RAPGEF2: variants seen among roughly 807,000 people sequenced by gnomAD.
The protein encoded by RAPGEF2 is Rap guanine nucleotide exchange factor 2, also known as PDZ domain containing guanine nucleotide exchange factor (GEF) 1.
In RAPGEF2, 54 loss-of-function variants were observed where a neutral mutation model predicts 186.7. The observed-to-expected ratio is 0.29, with a 90% CI of 0.23 to 0.36. RAPGEF2 has a LOEUF of 0.36. RAPGEF2 is among the 10% of genes least tolerant of loss of function. The probability of loss-of-function intolerance (pLI) is 1.00; values close to 1 mark genes in which losing one functional copy is unlikely to be tolerated. For synonymous variants in RAPGEF2, 712 were observed against 705.9 expected, an observed-to-expected ratio of 1.01 and a Z score of -0.14; for missense variants, 1,532 against 2,045.0, an observed-to-expected ratio of 0.75 and a Z score of 4.84.
intron 1 of RAPGEF2, among the ~76,000 whole-genome samples, chr4:159,168,544 G>C (rs527490011): frequency 6.6e-6 from 1 of 151,806 alleles, no homozygotes; most frequent in South Asian, 2.1e-4. Flanking sequence ...TGCCAAGTTG[G>C]GTTTCATCCC....
In RAPGEF2 at chr4:159,306,288, T is replaced by A. The variant is rs540122197; in HGVS notation, c.675+1815T>A. ...ATGGGATGTTTTCTCATTGTTTGTG[T>A]CATCTACAATTTCTTTCATCAGTGT... On this transcript the variant is annotated intron_variant, in intron 8 of 29. Transcript: ENST00000691494. 2.0e-5 allele frequency among the ~76,000 whole-genome samples: 3 copies of A among 152,288 alleles called. No individual in the cohort carries two copies. The South Asian group carries it at 6.2e-4, about 32-fold the overall frequency.
chr4:159,353,243 A>AT lies in RAPGEF2; in HGVS notation c.4092-231dup, dbSNP rs11381317. On this transcript the variant is annotated intron_variant, in intron 27 of 29. Coordinates refer to ENST00000691494, the MANE Select transcript of RAPGEF2 (RefSeq NM_001394067.2). The surrounding 1 kb of genome is among the most constrained non-coding windows in gnomAD (Gnocchi z 4.3). ...GAGCCACCCTTAATGTTGTCGGGGA[A>AT]TTTTTTTTTTTTTAATGGCACGTTG... is the stretch of plus-strand genomic sequence containing the variant. Among the ~76,000 whole-genome samples the AT allele has an allele frequency of 0.61, 90,493 of 147,214 alleles. 28,657 individuals carry two copies. The highest frequency in any genetic ancestry group is 0.76 in the African/African-American group (30,609 of 40,020).
chr4:159,315,937 CAG>C (rs1340866542), intron 9 of RAPGEF2, among the ~76,000 whole-genome samples: 1 of 152,168 alleles, frequency 6.6e-6, no homozygotes, highest in African/African-American at 2.4e-5. Flanking sequence ...TGACTAATGT[CAG>C]GCCCTCCACA....
Position 159,332,473 on chromosome 4 carries a change from A to G in RAPGEF2, c.1911A>G (p.Arg637=). 1 of 1,612,670 alleles carries G rather than the reference A, an allele frequency of 6.2e-7. No homozygotes were observed. The highest frequency in any genetic ancestry group is 1.1e-5 in the South Asian group (1 of 90,794). The change falls in exon 17 of 30, where the codon AGA becomes AGG. Residue 637 remains arginine (R), a synonymous_variant. Transcript: ENST00000691494. ...TAGTATTTAAAGAACTTCTAACAAG[A>G]TTGTCAGAAGAGAAAAGAAATGGTG... ...NLFVFKELLT[R]LSEEKRNGAP...
intron 1 of RAPGEF2, among the ~76,000 whole-genome samples, chr4:159,161,305 G>A (rs1206850517): frequency 2.0e-5 from 3 of 152,170 alleles, no homozygotes; most frequent in Non-Finnish European, 4.4e-5. Context: ...TGTGTTTGGA[G>A]GTAGTTTCTT....
intron 7 of RAPGEF2, among the ~76,000 whole-genome samples, chr4:159,245,413 T>G (rs1295856773): frequency 2.0e-5 from 3 of 152,020 alleles, no homozygotes; most frequent in African/African-American, 7.2e-5. Context: ...ATTTTCAGTC[T>G]TAGAGTGAGT....
intron 1 of RAPGEF2, among the ~76,000 whole-genome samples, chr4:159,162,233 A>G (rs1423240568): frequency 1.3e-5 from 2 of 150,818 alleles, no homozygotes; most frequent in Non-Finnish European, 3.0e-5. Context: ...AAAAAAAAAA[A>G]AAAAAAAATA....
intron 7 of RAPGEF2, among the ~76,000 whole-genome samples, chr4:159,281,106 C>T (rs1001985100): frequency 2.0e-5 from 3 of 151,914 alleles, no homozygotes; most frequent in African/African-American, 7.3e-5. Context: ...ATTCTCCTGC[C>T]TCAGTCTCCC....
At chr4:159,196,206 T>C (rs771802237) in intron 3 of RAPGEF2, among the ~76,000 whole-genome samples, 2 of 152,358 alleles carry the variant, frequency 1.3e-5, no homozygotes, top group Admixed American at 6.5e-5. Flanking sequence ...TTTTCTTCCA[T>C]GATCCTTAGA....
chr4:159,311,699 T>A (rs1763970198), intron 8 of RAPGEF2, among the ~76,000 whole-genome samples: 1 of 152,192 alleles, frequency 6.6e-6, no homozygotes. Context: ...ACATTCTAGG[T>A]ACTCTTCTTA....
chr4:159,189,718 A>G (rs1747919955), intron 2 of RAPGEF2, among the ~76,000 whole-genome samples: 1 of 152,236 alleles, frequency 6.6e-6, no homozygotes, highest in Non-Finnish European at 1.5e-5. Context: ...ATTGTCTAAC[A>G]ATGTTTAAAG....
chr4:159,354,085 C>G, intron 28 of RAPGEF2, 39 bp downstream of exon 28: 2 of 1,495,064 alleles, frequency 1.3e-6, no homozygotes, highest in Non-Finnish European at 9.0e-7. Flanking sequence ...ATGTCTGGAT[C>G]ATGTCTTTAA....
chr4:159,274,453 A>G (rs1336636422), intron 7 of RAPGEF2, among the ~76,000 whole-genome samples: 1 of 152,226 alleles, frequency 6.6e-6, no homozygotes, highest in Non-Finnish European at 1.5e-5. Flanking sequence ...GTCTAAATAT[A>G]TCTACATAGA....
chr4:159,189,630 A>G (rs547398939), intron 2 of RAPGEF2, among the ~76,000 whole-genome samples: 1 of 152,334 alleles, frequency 6.6e-6, no homozygotes, highest in Admixed American at 6.5e-5. Context: ...AGGCGCCTTT[A>G]GATCTTTGAG....
chr4:159,352,242 G>A (rs910346776), intron 26 of RAPGEF2, among the ~76,000 whole-genome samples: 5 of 152,142 alleles, frequency 3.3e-5, no homozygotes, highest in Admixed American at 3.3e-4. Flanking sequence ...GTAGGATACA[G>A]GTATTTCCAG....
At chr4:159,177,510 A>C (rs946208487) in intron 1 of RAPGEF2, among the ~76,000 whole-genome samples, 4 of 152,236 alleles carry the variant, frequency 2.6e-5, no homozygotes, top group Non-Finnish European at 5.9e-5. Flanking sequence ...AGGGTCACAC[A>C]GCTAGGGAGT....
chr4:159,351,543 A>G (rs1487382072), intron 26 of RAPGEF2, among the ~76,000 whole-genome samples: 3 of 152,334 alleles, frequency 2.0e-5, no homozygotes, highest in Middle Eastern at 3.4e-3. Context: ...AGAAATTTGC[A>G]TTGCATATAA....
chr4:159,188,165 A>G (rs760917905), intron 2 of RAPGEF2, among the ~76,000 whole-genome samples: 1 of 152,198 alleles, frequency 6.6e-6, no homozygotes, highest in Non-Finnish European at 1.5e-5. Flanking sequence ...TGTACTAACA[A>G]TTATTTAATT....
intron 1 of RAPGEF2, among the ~76,000 whole-genome samples, chr4:159,141,344 G>C (rs1458943529): frequency 2.6e-5 from 4 of 152,114 alleles, no homozygotes; most frequent in African/African-American, 9.7e-5. Flanking sequence ...ATTTCCACGA[G>C]ATGATTCAAA....
Sources: gnomAD v4.1 joint callset for allele counts (sites outside exome capture counted in the v4.1 genomes callset) on GRCh38, gnomAD v4.1.1 for gene constraint, Gnocchi (gnomAD v3.1) non-coding constraint, MANE v1.5 for transcripts, NCBI Gene and HGNC (gene_info 2026-07-23, HGNC 2026-07-21) for gene names.